TNFRSF4: variants seen among roughly 807,000 people sequenced by gnomAD.
TNFRSF4 encodes the protein tumor necrosis factor receptor superfamily member 4.
Under a neutral mutation model 29.5 loss-of-function variants are expected in TNFRSF4, and 21 were observed. The ratio of observed to expected loss-of-function variants is 0.71; its 90% confidence interval spans 0.51 to 1.03. The LOEUF is 1.03. Ranked by LOEUF, TNFRSF4 falls within the 50% of genes least tolerant of loss-of-function variation. The probability of loss-of-function intolerance (pLI) is 0.00; values close to 1 mark genes in which losing one functional copy is unlikely to be tolerated. For synonymous variants in TNFRSF4, 197 were observed against 172.7 expected (o/e 1.14, Z -1.10); for missense variants, 408 against 387.8 (o/e 1.05, Z -0.44).
intron 2 of TNFRSF4, chr1:1,213,327 C>T (rs1345442059): frequency 6.6e-7 from 1 of 1,524,768 alleles, no homozygotes; most frequent in Non-Finnish European, 8.8e-7. Context: ...CTTCCCTACC[C>T]CTCCACCGCC....
At chr1:1,212,888 G>T in intron 3 of TNFRSF4, 104 bp downstream of exon 3, 1 of 1,344,280 alleles carries the variant, frequency 7.4e-7, no homozygotes, top group Non-Finnish European at 1.0e-6. Context: ...GAGGATGCCA[G>T]AGGAGGCACC....
intron 1 of TNFRSF4, 57 bp from the exon 2 acceptor site, chr1:1,213,842 C>T (rs567526392): frequency 8.4e-5 from 128 of 1,521,292 alleles, no homozygotes; most frequent in Non-Finnish European, 1.1e-4. Flanking sequence ...GCCCGTGGAC[C>T]CCCCCAGGCG....
In TNFRSF4 at chr1:1,211,533, C is replaced by T. The variant is rs1436941423; in HGVS notation, c.*22G>A. 2.7e-6 allele frequency: 4 copies of T among 1,481,016 alleles called. No individual in the cohort carries two copies. The highest frequency in any genetic ancestry group is 2.5e-5 in the East Asian group (1 of 39,758). The allele number at this position is 1,481,016 out of a possible 1,614,324, so 91.7% of individuals were successfully genotyped here. A position where few individuals can be genotyped will look rare whatever the true frequency, so the allele number is the denominator to read the frequency against. On this transcript the variant is annotated 3_prime_UTR_variant, in exon 7 of 7. Transcript: ENST00000379236. ...CGGGCTCCAGCCTGGCGGGGCCCAG[C>T]GTCCACCTTGGTGGGCCCAGGTCAG...
In TNFRSF4 at chr1:1,214,000, C is replaced by G; in HGVS notation, c.128G>C (p.Cys43Ser). Residue 43 changes from cysteine (C) to serine (S), a missense_variant, in exon 1 of 7, where the codon TGC (cysteine) becomes TCC (serine). Transcript: ENST00000379236. ...GDTYPSNDRC[C>S]HECRPGNGMV... ...GGCCTCACCTGGCCTGCACTCGTGGCAGCACCGGTCGTTGCTGGGGTAGGT... is the reference window on the plus strand; with the variant it reads ...GGCCTCACCTGGCCTGCACTCGTGGGAGCACCGGTCGTTGCTGGGGTAGGT... The G allele has an allele frequency of 6.2e-7, 1 of 1,604,720 alleles. No individual in the cohort carries two copies. The highest frequency in any genetic ancestry group is 8.5e-7 in the Non-Finnish European group (1 of 1,177,882).
rs746769533 is a variant in TNFRSF4, at chr1:1,213,712, G to A, written c.219C>T (p.Asn73=). The A allele has an allele frequency of 2.2e-5, 35 of 1,599,330 alleles. No homozygotes were observed. The highest frequency in any genetic ancestry group is 2.6e-5 in the Non-Finnish European group (30 of 1,174,228). Residue 73 remains asparagine, a synonymous_variant, in exon 2 of 7, where the codon AAC becomes AAT. Transcript: ENST00000379236. ...VCRPCGPGFY[N]DVVSSKPCKP... ...TGCACGGCTTGGAGCTGACCACGTC[G>A]TTGTAGAAGCCCGGCCCGCACGGAC...
Position 1,212,153 on chromosome 1 carries a change from G to A in TNFRSF4, c.438-15C>T, listed in dbSNP as rs1189628912. On this transcript the variant is annotated splice_polypyrimidine_tract_variant and intron_variant, in intron 4 of 6. Coordinates refer to ENST00000379236, the MANE Select transcript of TNFRSF4 (RefSeq NM_003327.4). ...CCAAGGTGCAGCTGTTGGGGAACAG[G>A]AGGTGTTGCTCAGGCCAGAAACCCC... 1 of 1,612,154 alleles carries A rather than the reference G, an allele frequency of 6.2e-7. No individual in the cohort carries two copies. The highest frequency in any genetic ancestry group is 1.7e-5 in the Admixed American group (1 of 59,954).
At position 1,211,923 on chromosome 1, in the gene TNFRSF4, C is replaced by G. The variant is rs776376152; in HGVS notation, c.634+19G>C. On this transcript the variant is annotated intron_variant, in intron 5 of 6. Transcript: ENST00000379236. ...TATTCGGGTTGGGGGCCCCGCTGGG[C>G]TGGGCCAGGCGCCCTTACCCCCGGG... 1.4e-5 allele frequency: 21 copies of G among 1,528,722 alleles called. No homozygotes were observed. In the South Asian group the frequency reaches 2.4e-4, roughly 17 times the overall value. 94.7% of individuals were successfully genotyped at this position (1,528,722 alleles called of 1,614,324 possible). A position where few individuals can be genotyped will look rare whatever the true frequency, so the allele number is the denominator to read the frequency against.
rs1181047320 is a variant in TNFRSF4, at chr1:1,211,984, T to G, written c.592A>C (p.Thr198Pro). 6.2e-7 allele frequency: 1 copy of G among 1,603,042 alleles called. No individual in the cohort carries two copies. ...GGCCGGGTGGAGGGTCCCTGTGAGG[T>G]TCTGGGCCAGGCTTCAGTGGGCTGG... is the stretch of plus-strand genomic sequence containing the variant. ...TVQPTEAWPR[T>P]SQGPSTRPVE... Residue 198 changes from threonine to proline, a missense_variant, in exon 5 of 7, where the codon ACC becomes CCC. Transcript: ENST00000379236.
chr1:1,211,735 C>T lies in TNFRSF4; in HGVS notation c.732G>A (p.Gln244=). 1.3e-6 allele frequency: 2 copies of T among 1,581,644 alleles called. No individual in the cohort carries two copies. The highest frequency in any genetic ancestry group is 1.7e-6 in the Non-Finnish European group (2 of 1,165,240). ...GCTTGTGGGCATCGGGGGGCAGCCTCTGGTCCCTCCGGAGCAGGTACAGGG... is the reference window on the plus strand; with the variant it reads ...GCTTGTGGGCATCGGGGGGCAGCCTTTGGTCCCTCCGGAGCAGGTACAGGG... ...LLALYLLRRD[Q]RLPPDAHKPP... Residue 244 remains glutamine, a synonymous_variant, in exon 6 of 7, where the codon CAG becomes CAA. Coordinates refer to ENST00000379236, the MANE Select transcript of TNFRSF4 (RefSeq NM_003327.4).
chr1:1,213,739 G>A lies in TNFRSF4; in HGVS notation c.192C>T (p.Cys64=). The A allele has an allele frequency of 6.2e-7, 1 of 1,602,896 alleles. No individual in the cohort carries two copies. Among genetic ancestry groups the A allele is most frequent in the East Asian group, 2.3e-5 (1 of 44,358 alleles). Residue 64 remains cysteine, a synonymous_variant, in exon 2 of 7, where the codon TGC becomes TGT. Transcript: ENST00000379236. ...TGTAGAAGCCCGGCCCGCACGGACGGCACACCGTGTTCTGGGAGCGGCTGC... is the reference window on the plus strand; with the variant it reads ...TGTAGAAGCCCGGCCCGCACGGACGACACACCGTGTTCTGGGAGCGGCTGC... The part of the protein sequence containing the change: ...SRCSRSQNTV[C]RPCGPGFYND...
rs1296340874 is a variant in TNFRSF4, at chr1:1,211,838, G to A, written c.635-6C>T. 3.2e-6 allele frequency: 5 copies of A among 1,542,514 alleles called. No homozygotes were observed. The highest frequency in any genetic ancestry group is 2.4e-5 in the East Asian group (1 of 41,524). Reference sequence around the variant, plus strand: ...GATGGCGGCAACCGCACGGCCTGCAGGAAGGGGTCTGCTGGGTGGGGTCCA... The same window carrying A: ...GATGGCGGCAACCGCACGGCCTGCAAGAAGGGGTCTGCTGGGTGGGGTCCA... On this transcript the variant is annotated splice_region_variant and splice_polypyrimidine_tract_variant and intron_variant, in intron 5 of 6. Transcript: ENST00000379236.
rs765521902 is a variant in TNFRSF4, at chr1:1,214,047, C to T, written c.81G>A (p.Thr27=). ...LLLGLGLSTV[T]GLHCVGDTYP... is the part of the protein sequence containing the mutation. Reference sequence around the variant, plus strand: ...AGGTGTCCCCGACACAGTGGAGCCCCGTCACGGTGCTCAGCCCCAGGCCCA... The same window carrying T: ...AGGTGTCCCCGACACAGTGGAGCCCTGTCACGGTGCTCAGCCCCAGGCCCA... Residue 27 remains threonine (T), a synonymous_variant, in exon 1 of 7, where the codon ACG becomes ACA. Transcript: ENST00000379236. The surrounding 1 kb of genome is among the most constrained non-coding windows in gnomAD (Gnocchi z 4.2). 37 of 1,601,926 alleles carry T rather than the reference C, an allele frequency of 2.3e-5. No homozygotes were observed. The highest frequency in any genetic ancestry group is 9.4e-5 in the African/African-American group (7 of 74,768).
intron 3 of TNFRSF4, 128 bp downstream of exon 3, chr1:1,212,864 G>A (rs1014287868): frequency 2.1e-5 from 26 of 1,264,152 alleles, no homozygotes; most frequent in African/African-American, 4.6e-5. Flanking sequence ...GCCCTGACCC[G>A]GGAGCTCGGT....
chr1:1,211,817 G>A lies in TNFRSF4; in HGVS notation c.650C>T (p.Ala217Val), dbSNP rs1446943029. Reference sequence around the variant, plus strand: ...CAGCACCAGGCCCAGGCCCAGGATGGCGGCAACCGCACGGCCTGCAGGAAG... The same window carrying A: ...CAGCACCAGGCCCAGGCCCAGGATGACGGCAACCGCACGGCCTGCAGGAAG... ...VEVPGGRAVAAILGLGLVLGL... is the reference protein window; with the variant it reads ...VEVPGGRAVAVILGLGLVLGL... The change falls in exon 6 of 7, where the codon GCC becomes GTC. Residue 217 changes from alanine to valine, a missense_variant. By Grantham distance (64) the Ala-to-Val change is moderately conservative. Coordinates refer to ENST00000379236, the MANE Select transcript of TNFRSF4 (RefSeq NM_003327.4). The A allele has an allele frequency of 1.9e-6, 3 of 1,551,192 alleles. No individual in the cohort carries two copies. The highest frequency in any genetic ancestry group is 2.6e-6 in the Non-Finnish European group (3 of 1,152,024).
chr1:1,212,738 A>G, intron 3 of TNFRSF4, 34 bp from the exon 4 acceptor site: 1 of 1,497,430 alleles, frequency 6.7e-7, no homozygotes, highest in Non-Finnish European at 9.0e-7. Context: ...GGGGCTGCCC[A>G]CAGGCCCCGG....
In TNFRSF4 at chr1:1,213,249, C is replaced by T. The variant is rs147466822; in HGVS notation, c.269-156G>A. The T allele has an allele frequency of 2.7e-4, 411 of 1,533,738 alleles. 3 individuals are homozygous for T. In the African/African-American group the frequency reaches 4.9e-3, roughly 18 times the overall value. ...CCTGAGACTTGGAGCCCCTGCAGCC[C>T]CCGAGGCTCCTGGGCCCTCCCTTCC... On this transcript the variant is annotated intron_variant, in intron 2 of 6. Transcript: ENST00000379236.
At position 1,213,561 on chromosome 1, in the gene TNFRSF4, G is replaced by A. The variant is rs181584833; in HGVS notation, c.268+102C>T. The A allele has an allele frequency of 1.6e-4, 233 of 1,477,014 alleles. 1 individual carries two copies. Among genetic ancestry groups the A allele is most frequent in the South Asian group, 1.5e-3 (112 of 73,054 alleles). 91.5% of individuals were successfully genotyped at this position (1,477,014 alleles called of 1,614,324 possible). A position where few individuals can be genotyped will look rare whatever the true frequency, so the allele number is the denominator to read the frequency against. On this transcript the variant is annotated intron_variant, in intron 2 of 6. Coordinates refer to ENST00000379236, the MANE Select transcript of TNFRSF4 (RefSeq NM_003327.4). ...CAGACCCCGCTGTGGTTTGAGGTTC[G>A]TTTCTGCGGCTGTGGGAGCCCCATG... is the stretch of plus-strand genomic sequence containing the variant.
At chr1:1,213,626 G>A (rs2100955772) in intron 2 of TNFRSF4, 37 bp downstream of exon 2, 1 of 1,551,690 alleles carries the variant, frequency 6.4e-7, no homozygotes, top group African/African-American at 1.4e-5. Flanking sequence ...GCCGCCCCCT[G>A]TGCTGGGTGG....
In TNFRSF4 at chr1:1,213,015, A is replaced by T. The variant is rs753682470; in HGVS notation, c.347T>A (p.Leu116Gln). 7 of 1,611,558 alleles carry T rather than the reference A, an allele frequency of 4.3e-6. No homozygotes were observed. The highest frequency in any genetic ancestry group is 5.9e-6 in the Non-Finnish European group (7 of 1,179,440). ...VCRCRAGTQP[L>Q]DSYKPGVDCA... is the part of the protein sequence containing the mutation. ...ACCAACTCCAGGCTTGTAGCTGTCC[A>T]GGGGCTGGGTGCCCGCCCGGCAGCG... The change falls in exon 3 of 7, where the codon CTG (leucine) becomes CAG (glutamine). Residue 116 changes from leucine to glutamine, a missense_variant. Coordinates refer to ENST00000379236, the MANE Select transcript of TNFRSF4 (RefSeq NM_003327.4).
Sources: allele counts gnomAD v4.1 joint callset, GRCh38; gene constraint gnomAD v4.1.1; non-coding constraint Gnocchi (gnomAD v3.1); transcripts MANE v1.5; gene names NCBI Gene and HGNC (gene_info 2026-07-23, HGNC 2026-07-21).